CDK6: variants seen among roughly 807,000 people sequenced by gnomAD.
CDK6 encodes the protein cyclin dependent kinase 6.
CDK6 carries 6 observed loss-of-function variants against 37.1 expected under a neutral mutation model. The ratio of observed to expected loss-of-function variants is 0.16; its 90% confidence interval spans 0.09 to 0.32. CDK6 has a LOEUF of 0.32. Ranked by LOEUF, CDK6 falls within the 10% of genes least tolerant of loss-of-function variation. The pLI is 1.00. For synonymous variants in CDK6, 160 were observed against 161.3 expected (o/e 0.99, Z 0.06); for missense variants, 224 against 418.9 (o/e 0.53, Z 4.06).
chr7:92,727,738 C>T (rs889566781), intron 3 of CDK6, among the ~76,000 whole-genome samples: 3 of 152,084 alleles, frequency 2.0e-5, no homozygotes, highest in Non-Finnish European at 4.4e-5. Context: ...CAGGGGTGAC[C>T]TTCTAAGCTT....
chr7:92,834,040 C>T lies in CDK6; in HGVS notation c.-367-350G>A. The T allele has an allele frequency of 2.5e-6, 1 of 396,966 alleles. No individual in the cohort carries two copies. The highest frequency in any genetic ancestry group is 4.4e-6 in the Non-Finnish European group (1 of 225,482). The allele number at this position is 396,966 out of a possible 1,614,324, so 24.6% of individuals were successfully genotyped here. ...GGAGGCGCCGGGCACGTCAATGTCA[C>T]GGCTTAATATTTATCCCTATATCAT... On this transcript the variant is annotated intron_variant, in intron 1 of 7. Transcript: ENST00000424848. This position sits in a 1 kb window ranked among gnomAD's most constrained non-coding sequence, Gnocchi z 4.6.
intron 4 of CDK6, among the ~76,000 whole-genome samples, chr7:92,722,289 A>G (rs960126351): frequency 1.3e-5 from 2 of 152,210 alleles, no homozygotes; most frequent in South Asian, 4.1e-4. Flanking sequence ...TTTAATAACA[A>G]AACACAAGGG....
At chr7:92,706,710 T>A (rs1179191835) in intron 4 of CDK6, among the ~76,000 whole-genome samples, 1 of 152,164 alleles carries the variant, frequency 6.6e-6, no homozygotes, top group Non-Finnish European at 1.5e-5. Flanking sequence ...TCTGGGACTC[T>A]GAGATCTCAC....
At position 92,630,670 on chromosome 7, in the gene CDK6, G is replaced by A. The variant is rs184762695; in HGVS notation, c.648-7584C>T. ...TGGGCTTCTTTAATAGTCAGATATC[G>A]CAGGCTCAACACTCCGGGGAATACT... On this transcript the variant is annotated intron_variant, in intron 5 of 7. Transcript: ENST00000424848. Among the ~76,000 whole-genome samples the A allele has an allele frequency of 1.3e-3, 204 of 152,146 alleles. 1 individual carries two copies. Among genetic ancestry groups the A allele is most frequent in the African/African-American group, 4.6e-3 (192 of 41,516 alleles).
chr7:92,633,168 G>C (rs1796092863), intron 5 of CDK6, among the ~76,000 whole-genome samples: 1 of 151,996 alleles, frequency 6.6e-6, no homozygotes, highest in Non-Finnish European at 1.5e-5. Context: ...TTATGGCAGG[G>C]AGCAGGAGTA....
chr7:92,769,235 A>C (rs1462579231), intron 3 of CDK6, among the ~76,000 whole-genome samples: 1 of 152,252 alleles, frequency 6.6e-6, no homozygotes, highest in Non-Finnish European at 1.5e-5. Flanking sequence ...CATTCAATTG[A>C]AGATAAAATG....
chr7:92,729,882 GGT>G (rs1166157094), intron 3 of CDK6, among the ~76,000 whole-genome samples: 1 of 152,154 alleles, frequency 6.6e-6, no homozygotes, highest in African/African-American at 2.4e-5. Flanking sequence ...TGGGACTACA[GGT>G]GTGTGTTACC....
At chr7:92,784,689 G>C (rs1267526521) in intron 2 of CDK6, among the ~76,000 whole-genome samples, 2 of 152,226 alleles carry the variant, frequency 1.3e-5, no homozygotes, top group African/African-American at 4.8e-5. Context: ...AGAGATGACA[G>C]AGTAGCAAAC....
chr7:92,706,105 A>T (rs1797959433), intron 4 of CDK6, among the ~76,000 whole-genome samples: 1 of 152,282 alleles, frequency 6.6e-6, no homozygotes, highest in Non-Finnish European at 1.5e-5. Context: ...AATCCATAGT[A>T]CAATGAGTCA....
At chr7:92,724,472 AT>A (rs1798462233) in intron 4 of CDK6, among the ~76,000 whole-genome samples, 1 of 152,064 alleles carries the variant, frequency 6.6e-6, no homozygotes, top group Non-Finnish European at 1.5e-5. Context: ...TAGCACCCCT[AT>A]TTTGACTGGG....
chr7:92,768,539 A>G (rs1799638697), intron 3 of CDK6, among the ~76,000 whole-genome samples: 1 of 152,238 alleles, frequency 6.6e-6, no homozygotes. Context: ...ATCAAATACC[A>G]GGAGAGATGT....
intron 2 of CDK6, among the ~76,000 whole-genome samples, chr7:92,817,423 A>T (rs1801057811): frequency 6.6e-6 from 1 of 151,924 alleles, no homozygotes; most frequent in African/African-American, 2.4e-5. Context: ...TCAATTCTTC[A>T]GAAAAAACAC....
chr7:92,715,894 C>T (rs997152462), intron 4 of CDK6, among the ~76,000 whole-genome samples: 1 of 152,144 alleles, frequency 6.6e-6, no homozygotes, highest in African/African-American at 2.4e-5. Context: ...GGGATCTTAG[C>T]TTTAAAATAA....
chr7:92,660,217 A>G (rs890490039), intron 5 of CDK6, among the ~76,000 whole-genome samples: 1 of 152,204 alleles, frequency 6.6e-6, no homozygotes, highest in Non-Finnish European at 1.5e-5. Flanking sequence ...GTGTGCATGG[A>G]AAGATAGTGG....
chr7:92,738,309 G>A (rs1268594538), intron 3 of CDK6, among the ~76,000 whole-genome samples: 2 of 152,102 alleles, frequency 1.3e-5, no homozygotes, highest in East Asian at 3.9e-4. Flanking sequence ...ACGATCTAAT[G>A]ACTCTTACAA....
intron 2 of CDK6, among the ~76,000 whole-genome samples, chr7:92,803,564 T>C (rs1365052816): frequency 6.6e-6 from 1 of 152,148 alleles, no homozygotes; most frequent in Non-Finnish European, 1.5e-5. Flanking sequence ...AGTCCCCATT[T>C]AGAGGACAGT....
chr7:92,681,149 G>A (rs1344232186), intron 4 of CDK6, among the ~76,000 whole-genome samples: 3 of 152,190 alleles, frequency 2.0e-5, no homozygotes, highest in Non-Finnish European at 4.4e-5. Flanking sequence ...GAGTAATCAT[G>A]TATCTTTAAC....
intron 5 of CDK6, among the ~76,000 whole-genome samples, chr7:92,641,328 C>G (rs1481190254): frequency 2.0e-5 from 3 of 152,150 alleles, no homozygotes; most frequent in African/African-American, 7.2e-5. Flanking sequence ...ACAAAGCTCT[C>G]TTTTCTCCCA....
At chr7:92,829,250 T>C (rs1047559207) in intron 2 of CDK6, among the ~76,000 whole-genome samples, 1 of 152,180 alleles carries the variant, frequency 6.6e-6, no homozygotes, top group Non-Finnish European at 1.5e-5. Flanking sequence ...AGCCTTTTCT[T>C]TGGGTTTTTT....
Sources: allele counts gnomAD v4.1 joint callset (sites outside exome capture counted in the v4.1 genomes callset), GRCh38; gene constraint gnomAD v4.1.1; non-coding constraint Gnocchi (gnomAD v3.1); transcripts MANE v1.5; gene names NCBI Gene and HGNC (gene_info 2026-07-23, HGNC 2026-07-21).